The following PAFAH1B1 variants were observed in gnomAD, a reference collection of about 807,000 sequenced individuals.
The protein encoded by PAFAH1B1 is platelet-activating factor acetylhydrolase IB subunit beta.
PAFAH1B1 carries 2 observed loss-of-function variants against 57.5 expected under a neutral mutation model. The observed-to-expected ratio is 0.03, with a 90% CI of 0.01 to 0.11. PAFAH1B1 has a LOEUF of 0.11. PAFAH1B1 is among the 10% of genes least tolerant of loss of function. The probability of loss-of-function intolerance (pLI) is 1.00; values close to 1 mark genes in which losing one functional copy is unlikely to be tolerated. For synonymous variants in PAFAH1B1, 152 were observed against 169.6 expected (o/e 0.90, Z 0.81); for missense variants, 257 against 512.0 (o/e 0.50, Z 4.81).
In PAFAH1B1 at chr17:2,644,410, G is replaced by T. The variant is rs537669689; in HGVS notation, c.32+6090G>T. 1.6e-4 allele frequency among the ~76,000 whole-genome samples: 24 copies of T among 152,232 alleles called. No individual in the cohort carries two copies. The East Asian group carries it at 4.6e-3, about 29-fold the overall frequency. ...TACAAAAAATGAGCCGGGCGTGGTG[G>T]TGGGCGCCTCTAGTCTCAGCTACTC... On this transcript the variant is annotated intron_variant, in intron 2 of 10. Coordinates refer to ENST00000397195, the MANE Select transcript of PAFAH1B1 (RefSeq NM_000430.4).
chr17:2,594,762 T>C (rs1280913937), intron 1 of PAFAH1B1, among the ~76,000 whole-genome samples: 1 of 152,212 alleles, frequency 6.6e-6, no homozygotes, highest in East Asian at 1.9e-4. Flanking sequence ...AACATTCAGC[T>C]TCGAGGCTCC....
At chr17:2,631,877 C>T (rs911972227) in intron 1 of PAFAH1B1, among the ~76,000 whole-genome samples, 1 of 152,104 alleles carries the variant, frequency 6.6e-6, no homozygotes, top group African/African-American at 2.4e-5. Context: ...CCTTTAATTC[C>T]TCTCCTTCTG....
At chr17:2,645,579 G>C (rs992115677) in intron 2 of PAFAH1B1, among the ~76,000 whole-genome samples, 8 of 146,512 alleles carry the variant, frequency 5.5e-5, no homozygotes, top group Non-Finnish European at 1.2e-4. Context: ...GGGGACAGAG[G>C]GAGACCCTGT....
intron 1 of PAFAH1B1, among the ~76,000 whole-genome samples, chr17:2,616,030 A>G (rs1161353361): frequency 6.6e-6 from 1 of 152,200 alleles, no homozygotes; most frequent in East Asian, 1.9e-4. Context: ...GCAACGACGA[A>G]ACAAGAATAG....
chr17:2,631,984 C>T (rs1340815553), intron 1 of PAFAH1B1, among the ~76,000 whole-genome samples: 3 of 152,204 alleles, frequency 2.0e-5, no homozygotes, highest in African/African-American at 4.8e-5. Flanking sequence ...CCAGCCTCAA[C>T]AGTTAGCAAT....
At chr17:2,594,663 G>C (rs2068065016) in intron 1 of PAFAH1B1, among the ~76,000 whole-genome samples, 1 of 152,160 alleles carries the variant, frequency 6.6e-6, no homozygotes, top group Admixed American at 6.5e-5. Flanking sequence ...CCGGCCCACC[G>C]AGCAATCCGC....
In PAFAH1B1 at chr17:2,621,572, T is replaced by TA. The variant is rs150801100; in HGVS notation, c.-190-16525dup. On this transcript the variant is annotated intron_variant, in intron 1 of 10. Coordinates refer to ENST00000397195, the MANE Select transcript of PAFAH1B1 (RefSeq NM_000430.4). ...TATTTGGATTAAGAGCCATAATATA[T>TA]AATACGTGCTATTCAAGCATGGTAG... Among the ~76,000 whole-genome samples, 923 of 147,956 alleles carry TA rather than the reference T, an allele frequency of 6.2e-3. 26 individuals carry two copies. Among genetic ancestry groups the TA allele is most frequent in the African/African-American group, 0.022 (875 of 39,218 alleles).
At chr17:2,597,122 G>A (rs1260047510) in intron 1 of PAFAH1B1, among the ~76,000 whole-genome samples, 3 of 152,118 alleles carry the variant, frequency 2.0e-5, no homozygotes, top group African/African-American at 4.8e-5. Context: ...TTGTTAATCA[G>A]GAGCTTAAGA....
chr17:2,671,777 A>C (rs1323599999), intron 6 of PAFAH1B1, among the ~76,000 whole-genome samples: 1 of 151,424 alleles, frequency 6.6e-6, no homozygotes, highest in Admixed American at 6.6e-5. Flanking sequence ...TAACTTTTTT[A>C]TTTTTAGTAG....
chr17:2,613,649 T>G (rs373504095), intron 1 of PAFAH1B1: 4 of 294,326 alleles, frequency 1.4e-5, no homozygotes, highest in African/African-American at 2.2e-5. Flanking sequence ...CTGAGTATAC[T>G]CTCCACAGCC....
intron 1 of PAFAH1B1, among the ~76,000 whole-genome samples, chr17:2,618,903 C>T (rs983672246): frequency 1.4e-5 from 2 of 140,114 alleles, no homozygotes; most frequent in African/African-American, 2.6e-5. Context: ...TGCAGTGAGC[C>T]GAGATTGTAC....
intron 1 of PAFAH1B1, among the ~76,000 whole-genome samples, chr17:2,603,475 G>A (rs933434299): frequency 2.0e-5 from 3 of 152,054 alleles, no homozygotes; most frequent in African/African-American, 7.2e-5. Flanking sequence ...AAAAAAATTA[G>A]CTGAGCGTGG....
intron 2 of PAFAH1B1, chr17:2,642,552 T>C (rs1209176860): frequency 6.6e-6 from 1 of 152,246 alleles, no homozygotes; most frequent in South Asian, 2.1e-4. Flanking sequence ...TTCCATAATT[T>C]AGAAAAAATG....
chr17:2,647,379 C>T (rs544357037), intron 2 of PAFAH1B1, among the ~76,000 whole-genome samples: 1 of 151,850 alleles, frequency 6.6e-6, no homozygotes, highest in African/African-American at 2.4e-5. Flanking sequence ...AATAAAAATA[C>T]AAAAATTAGC....
chr17:2,622,790 A>C (rs2151624115), intron 1 of PAFAH1B1, among the ~76,000 whole-genome samples: 1 of 152,330 alleles, frequency 6.6e-6, no homozygotes, highest in Middle Eastern at 3.4e-3. Flanking sequence ...GCCTTAGCAG[A>C]GGTTCTCCAT....
At chr17:2,619,177 TCTCA>T (rs1176303555) in intron 1 of PAFAH1B1, among the ~76,000 whole-genome samples, 1 of 152,034 alleles carries the variant, frequency 6.6e-6, no homozygotes, top group African/African-American at 2.4e-5. Context: ...TGAGACAGGG[TCTCA>T]CTGTGTCTCC....
At chr17:2,674,468 G>T (rs2069232517) in intron 8 of PAFAH1B1, among the ~76,000 whole-genome samples, 180 bp downstream of exon 8, 1 of 152,172 alleles carries the variant, frequency 6.6e-6, no homozygotes, top group Non-Finnish European at 1.5e-5. Context: ...TTTAACCAGT[G>T]ATGATTATTG....
At chr17:2,610,581 T>C (rs1409112884) in intron 1 of PAFAH1B1, among the ~76,000 whole-genome samples, 4 of 152,158 alleles carry the variant, frequency 2.6e-5, no homozygotes, top group African/African-American at 4.8e-5. Flanking sequence ...AGAAAAAGAA[T>C]TGTCTTGGGC....
intron 2 of PAFAH1B1, among the ~76,000 whole-genome samples, chr17:2,654,717 C>T (rs2068913984): frequency 6.6e-6 from 1 of 152,134 alleles, no homozygotes; most frequent in African/African-American, 2.4e-5. Context: ...TCTCAGTTCA[C>T]TGCAGCCTCC....
Sources: allele counts gnomAD v4.1 joint callset (sites outside exome capture counted in the v4.1 genomes callset), GRCh38; gene constraint gnomAD v4.1.1; transcripts MANE v1.5; gene names NCBI Gene and HGNC (gene_info 2026-07-23, HGNC 2026-07-21).